The following CEP57 variants were observed in gnomAD, a reference collection of about 807,000 sequenced individuals.
The protein encoded by CEP57 is centrosomal protein of 57 kDa.
CEP57 carries 40 observed loss-of-function variants against 68.0 expected under a neutral mutation model. The ratio of observed to expected loss-of-function variants is 0.59; its 90% CI spans 0.46 to 0.77. CEP57 has a LOEUF of 0.77. Among genes scored for constraint, CEP57 ranks in the 30% least tolerant of loss-of-function variants. CEP57 has a pLI of 0.00. For synonymous variants in CEP57, 219 were observed against 198.7 expected, an observed-to-expected ratio of 1.10 and a Z score of -0.86; for missense variants, 606 against 580.7, an observed-to-expected ratio of 1.04 and a Z score of -0.45.
At chr11:95,818,982 T>C (rs1862416044) in intron 6 of CEP57, 78 bp downstream of exon 6, 6 of 1,067,478 alleles carry the variant, frequency 5.6e-6, no homozygotes, top group Non-Finnish European at 8.6e-6. Flanking sequence ...TACATTTAGG[T>C]ATCTTACATT....
At chr11:95,805,459 C>T (rs1150348) in intron 2 of CEP57, among the ~76,000 whole-genome samples, 34,911 of 151,948 alleles carry the variant, frequency 0.23, 8,547 homozygotes, top group African/African-American at 0.62. Flanking sequence ...AAGCTGACTT[C>T]GATAAAATGT....
chr11:95,810,806 C>T (rs577982824), intron 2 of CEP57, among the ~76,000 whole-genome samples: 46 of 152,318 alleles, frequency 3.0e-4, no homozygotes, highest in African/African-American at 1.1e-3. Flanking sequence ...CCATCCCCAT[C>T]AAGCTACCAC....
chr11:95,794,551 T>A (rs1041532711), intron 1 of CEP57, among the ~76,000 whole-genome samples: 1 of 152,138 alleles, frequency 6.6e-6, no homozygotes, highest in African/African-American at 2.4e-5. Context: ...TGCACCCTGT[T>A]TTTTTCAAAC....
At chr11:95,829,766 A>G (rs1168887653) in intron 10 of CEP57, among the ~76,000 whole-genome samples, 1 of 152,180 alleles carries the variant, frequency 6.6e-6, no homozygotes, top group African/African-American at 2.4e-5. Flanking sequence ...ATCACACTCA[A>G]GGGTTTTCAA....
intron 1 of CEP57, among the ~76,000 whole-genome samples, chr11:95,797,154 C>G (rs1357959878): frequency 6.5e-5 from 8 of 122,490 alleles, no homozygotes; most frequent in Admixed American, 5.8e-4. Flanking sequence ...TCTTCCCCCC[C>G]ACCCCACCCC....
chr11:95,790,222 T>C, upstream of CEP57: 1 of 183,804 alleles, frequency 5.4e-6, no homozygotes, highest in South Asian at 1.0e-4. Context: ...ACTCGTGGAG[T>C]GCTTTAACTT....
chr11:95,806,956 GGA>G lies in CEP57; in HGVS notation c.203-5973_203-5972del, dbSNP rs759450851. On this transcript the variant is annotated intron_variant, in intron 2 of 10. Coordinates refer to ENST00000325542, the MANE Select transcript of CEP57 (RefSeq NM_014679.5). ...CCCTGACCCCCAAGTAGCCTAACTG[GGA>G]GATACCTCCCAGTAGGGGCCGACTG... 1.7e-4 allele frequency among the ~76,000 whole-genome samples: 26 copies of G among 152,302 alleles called. No individual in the cohort carries two copies. The South Asian group carries it at 3.1e-3, about 18-fold the overall frequency.
chr11:95,828,480 C>CAT (rs34337339), intron 9 of CEP57, among the ~76,000 whole-genome samples: 42,269 of 151,976 alleles, frequency 0.28, 7,030 homozygotes, highest in Non-Finnish European at 0.38. Context: ...TGTATATAAA[C>CAT]ATCTAGGTAG....
intron 2 of CEP57, among the ~76,000 whole-genome samples, chr11:95,806,349 T>C (rs1861798272): frequency 6.6e-6 from 1 of 152,180 alleles, no homozygotes; most frequent in African/African-American, 2.4e-5. Context: ...CCAACTGAGA[T>C]ACCGGGTTCA....
chr11:95,808,204 T>A (rs907391709), intron 2 of CEP57, among the ~76,000 whole-genome samples: 1 of 151,470 alleles, frequency 6.6e-6, no homozygotes, highest in Non-Finnish European at 1.5e-5. Flanking sequence ...CCTTACAAGA[T>A]CTCCTGAAGG....
At chr11:95,793,292 A>T (rs1169815153) in intron 1 of CEP57, among the ~76,000 whole-genome samples, 1 of 152,248 alleles carries the variant, frequency 6.6e-6, no homozygotes, top group African/African-American at 2.4e-5. Flanking sequence ...AATTAATTCC[A>T]TATGGAGGTA....
intron 2 of CEP57, among the ~76,000 whole-genome samples, chr11:95,803,635 T>C (rs1861672665): frequency 7.8e-6 from 1 of 128,730 alleles, no homozygotes. Flanking sequence ...AAGCAATAAA[T>C]AGACCCAGGT....
intron 1 of CEP57, among the ~76,000 whole-genome samples, chr11:95,791,256 T>TACTC (rs1180353838): frequency 6.6e-6 from 1 of 152,198 alleles, no homozygotes; most frequent in East Asian, 1.9e-4. Context: ...CGTTGTGTGA[T>TACTC]GCTCGTAGCC....
At chr11:95,815,041 A>C (rs190642473) in intron 4 of CEP57, 1 of 152,374 alleles carries the variant, frequency 6.6e-6, no homozygotes, top group East Asian at 1.9e-4. Context: ...AATAATGTCA[A>C]GAGTAAGAAT....
At chr11:95,805,593 C>T (rs79221000) in intron 2 of CEP57, among the ~76,000 whole-genome samples, 9 of 152,142 alleles carry the variant, frequency 5.9e-5, no homozygotes, top group Non-Finnish European at 1.2e-4. Flanking sequence ...TCGTAAAAGA[C>T]GGCAGCTCTC....
At chr11:95,802,768 AT>A (rs1314834550) in intron 2 of CEP57, among the ~76,000 whole-genome samples, 1 of 152,246 alleles carries the variant, frequency 6.6e-6, no homozygotes, top group Non-Finnish European at 1.5e-5. Flanking sequence ...TATTAATAGT[AT>A]TATGAAAATA....
chr11:95,825,045 A>T (rs916219909), intron 8 of CEP57, among the ~76,000 whole-genome samples: 8 of 152,170 alleles, frequency 5.3e-5, no homozygotes, highest in African/African-American at 1.7e-4. Context: ...GAAGTTCAAC[A>T]CCAAAGGCAT....
Position 95,799,380 on chromosome 11 carries a change from A to G in CEP57, c.194A>G (p.Asn65Ser), listed in dbSNP as rs1317659874. Reference sequence around the variant, plus strand: ...CCTACACTTGCCTATCCAGAAAGCAACAGCAGAGGTAATCGAGCCTAACGA... The same window carrying G: ...CCTACACTTGCCTATCCAGAAAGCAGCAGCAGAGGTAATCGAGCCTAACGA... The part of the protein sequence containing the change: ...SKPTLAYPES[N>S]SRAIFSALKN... Residue 65 changes from asparagine (N) to serine (S), a missense_variant, in exon 2 of 11, where the codon AAC becomes AGC. Asn to Ser is a conservative substitution (Grantham distance 46). Coordinates refer to ENST00000325542, the MANE Select transcript of CEP57 (RefSeq NM_014679.5). The G allele has an allele frequency of 3.7e-6, 6 of 1,613,978 alleles. No homozygotes were observed. The highest frequency in any genetic ancestry group is 1.3e-5 in the African/African-American group (1 of 75,044).
intron 1 of CEP57, among the ~76,000 whole-genome samples, chr11:95,792,092 G>C (rs1441514223): frequency 6.6e-6 from 1 of 152,176 alleles, no homozygotes; most frequent in African/African-American, 2.4e-5. Flanking sequence ...AAGTATTACA[G>C]TGTTTCAGCC....
Sources: gnomAD v4.1 joint callset for allele counts (sites outside exome capture counted in the v4.1 genomes callset) on GRCh38, gnomAD v4.1.1 for gene constraint, MANE v1.5 for transcripts, NCBI Gene and HGNC (gene_info 2026-07-23, HGNC 2026-07-21) for gene names.